IMMP2L: variants seen among roughly 807,000 people sequenced by gnomAD.
The protein encoded by IMMP2L is inner mitochondrial membrane peptidase subunit 2, also known as mitochondrial inner membrane protease subunit 2.
Under a neutral mutation model 19.3 loss-of-function variants are expected in IMMP2L, and 18 were observed. The observed-to-expected ratio is 0.93, with a 90% confidence interval of 0.64 to 1.38. The LOEUF is 1.38. Among genes scored for constraint, IMMP2L ranks in the 40% most tolerant of loss-of-function variants. The pLI, the probability that IMMP2L is intolerant of heterozygous loss-of-function variation, is 0.00. For synonymous variants in IMMP2L, 76 were observed against 73.0 expected (o/e 1.04, Z -0.21); for missense variants, 233 against 218.2 (o/e 1.07, Z -0.43).
At chr7:110,754,752 C>T (rs762611538) in intron 5 of IMMP2L, among the ~76,000 whole-genome samples, 11 of 151,918 alleles carry the variant, frequency 7.2e-5, no homozygotes, top group Non-Finnish European at 1.3e-4. Context: ...GCCATAAGAG[C>T]CTTTTGCTGG....
intron 3 of IMMP2L, among the ~76,000 whole-genome samples, chr7:111,167,483 T>A (rs780385443): frequency 6.6e-6 from 1 of 151,972 alleles, no homozygotes; most frequent in Non-Finnish European, 1.5e-5. Context: ...CAAGATTATA[T>A]GCACATCCTA....
At chr7:111,108,262 C>T (rs377407008) in intron 3 of IMMP2L, among the ~76,000 whole-genome samples, 1 of 152,156 alleles carries the variant, frequency 6.6e-6, no homozygotes, top group African/African-American at 2.4e-5. Flanking sequence ...GTACTTAACA[C>T]TCAATTATAT....
chr7:111,283,970 C>CAAAAAAAA (rs972346409), intron 3 of IMMP2L, among the ~76,000 whole-genome samples: 3 of 48,612 alleles, frequency 6.2e-5, no homozygotes, highest in Non-Finnish European at 1.3e-4. Flanking sequence ...GACTCCGTCT[C>CAAAAAAAA]AAAAAAAAAA....
chr7:110,766,239 C>T (rs1490846743), intron 5 of IMMP2L, among the ~76,000 whole-genome samples: 1 of 152,038 alleles, frequency 6.6e-6, no homozygotes, highest in Non-Finnish European at 1.5e-5. Context: ...TAATTTCTGG[C>T]TCTTAATAAA....
chr7:110,964,987 G>T (rs1819382889), intron 3 of IMMP2L, among the ~76,000 whole-genome samples: 1 of 152,032 alleles, frequency 6.6e-6, no homozygotes, highest in Non-Finnish European at 1.5e-5. Flanking sequence ...GAGAGACCTT[G>T]AGTCAGAACC....
chr7:111,399,911 G>C (rs1833261671), intron 3 of IMMP2L, among the ~76,000 whole-genome samples: 1 of 151,992 alleles, frequency 6.6e-6, no homozygotes, highest in Non-Finnish European at 1.5e-5. Context: ...AGAGTAGTTT[G>C]ACGTTTTGGC....
At chr7:111,020,839 T>G (rs1826204502) in intron 3 of IMMP2L, among the ~76,000 whole-genome samples, 1 of 152,160 alleles carries the variant, frequency 6.6e-6, no homozygotes, top group African/African-American at 2.4e-5. Flanking sequence ...ATTGTTGAAT[T>G]GTCTGTTTCT....
intron 3 of IMMP2L, among the ~76,000 whole-genome samples, chr7:111,276,461 A>G (rs1013242856): frequency 1.3e-5 from 2 of 152,098 alleles, no homozygotes; most frequent in Admixed American, 6.6e-5. Flanking sequence ...CTGGCCTCAT[A>G]GAGTAAGTTA....
intron 5 of IMMP2L, among the ~76,000 whole-genome samples, chr7:110,682,792 A>G (rs958720744): frequency 6.6e-6 from 1 of 152,130 alleles, no homozygotes; most frequent in African/African-American, 2.4e-5. Context: ...TTCAGGAGTT[A>G]CCCAGTTGCA....
intron 3 of IMMP2L, among the ~76,000 whole-genome samples, chr7:111,237,460 G>C (rs551558696): frequency 2.6e-5 from 4 of 151,726 alleles, no homozygotes; most frequent in Non-Finnish European, 5.9e-5. Flanking sequence ...CTTTCAAAAA[G>C]TTATTTTTTG....
rs184119221 is a variant in IMMP2L at position 111,420,934 on chromosome 7, G to A, written c.239+66304C>T. Among the ~76,000 whole-genome samples, 67 of 151,908 alleles carry A rather than the reference G, an allele frequency of 4.4e-4. 3 individuals carry two copies. The highest frequency in any genetic ancestry group is 1.5e-3 in the African/African-American group (60 of 41,240). On this transcript the variant is annotated intron_variant, in intron 3 of 5. Transcript: ENST00000405709. The stretch of plus-strand genomic sequence containing the variant: ...TGGGTATATACCCAGTAATGGGACC[G>A]CTGGGTCAAATGGTAATTCTAGTTC...
Position 111,487,269 on chromosome 7 carries a change from C to T in IMMP2L, c.208G>A (p.Glu70Lys). 3.7e-6 allele frequency: 6 copies of T among 1,603,198 alleles called. No individual in the cohort carries two copies. Among genetic ancestry groups the T allele is most frequent in the Non-Finnish European group, 5.1e-6 (6 of 1,170,340 alleles). The change falls in exon 3 of 6, where the codon GAA becomes AAA. Residue 70 changes from glutamate to lysine, a missense_variant. By Grantham distance (56) the Glu-to-Lys change is moderately conservative. Transcript: ENST00000405709. Reference protein sequence around the residue: ...LLNHWKVRNFEVHRGDIVSLV... With the variant: ...LLNHWKVRNFKVHRGDIVSLV... The stretch of plus-strand genomic sequence containing the variant: ...GATACAATGTCACCACGGTGTACTT[C>T]AAAATTCCTCACTTTCCAGTGGTTC...
intron 2 of IMMP2L, among the ~76,000 whole-genome samples, chr7:111,489,579 C>T (rs1183428821): frequency 5.3e-5 from 8 of 152,190 alleles, no homozygotes; most frequent in Admixed American, 2.6e-4. Context: ...TAATGACGTG[C>T]CTTTTGTTAA....
At chr7:111,108,038 G>A (rs1798746233) in intron 3 of IMMP2L, among the ~76,000 whole-genome samples, 1 of 152,036 alleles carries the variant, frequency 6.6e-6, no homozygotes, top group Non-Finnish European at 1.5e-5. Flanking sequence ...TTACAATACT[G>A]TTTTTGTTTT....
chr7:111,148,396 G>A (rs755047685), intron 3 of IMMP2L, among the ~76,000 whole-genome samples: 21 of 151,902 alleles, frequency 1.4e-4, no homozygotes, highest in Non-Finnish European at 2.1e-4. Flanking sequence ...GAGTGTGTGC[G>A]TTTCTTTTGG....
At chr7:111,209,217 G>C (rs1030285368) in intron 3 of IMMP2L, among the ~76,000 whole-genome samples, 1 of 151,956 alleles carries the variant, frequency 6.6e-6, no homozygotes, top group Non-Finnish European at 1.5e-5. Context: ...CTAACACAGT[G>C]AAACTCCCTC....
chr7:111,160,086 A>T (rs779975141), intron 3 of IMMP2L, among the ~76,000 whole-genome samples: 13 of 152,208 alleles, frequency 8.5e-5, no homozygotes, highest in Non-Finnish European at 1.3e-4. Context: ...GTTAAAACTG[A>T]TCAGTGATGA....
chr7:110,747,887 G>A (rs1334162789), intron 5 of IMMP2L, among the ~76,000 whole-genome samples: 2 of 152,176 alleles, frequency 1.3e-5, no homozygotes, highest in Non-Finnish European at 2.9e-5. Context: ...AGTATTGGAA[G>A]TTCTGGCCAG....
intron 5 of IMMP2L, among the ~76,000 whole-genome samples, chr7:110,848,758 A>G (rs1805913902): frequency 6.6e-6 from 1 of 152,166 alleles, no homozygotes; most frequent in Non-Finnish European, 1.5e-5. Context: ...CTATCAAAAG[A>G]CATGTAGGAA....
Sources: allele counts gnomAD v4.1 joint callset (sites outside exome capture counted in the v4.1 genomes callset), GRCh38; gene constraint gnomAD v4.1.1; transcripts MANE v1.5; gene names NCBI Gene and HGNC (gene_info 2026-07-23, HGNC 2026-07-21).